Variants in THAP5 observed in about 807,000 individuals in gnomAD.
THAP5 encodes THAP domain containing 5.
A neutral mutation model predicts 34.0 loss-of-function variants in THAP5; 26 were observed. That is an observed-to-expected ratio of 0.77 (90% confidence interval 0.56 to 1.06). The LOEUF (loss-of-function observed/expected upper bound fraction) is 1.06. THAP5 is among the 50% of genes least tolerant of loss of function. The pLI, the probability that THAP5 is intolerant of heterozygous loss-of-function variation, is 0.00. For missense variants in THAP5, 394 were observed against 452.8 expected, an observed-to-expected ratio of 0.87 and a Z score of 1.18; for synonymous variants, 125 against 153.0, an observed-to-expected ratio of 0.82 and a Z score of 1.35.
the THAP5 span, among the ~76,000 whole-genome samples, chr7:108,549,089 T>TACACACACAC: frequency 5.7e-3 from 773 of 136,518 alleles, 6 homozygotes; most frequent in African/African-American, 0.017. Flanking sequence ...ACATGCTTAA[T>TACACACACAC]ACACACACAC....
chr7:108,544,438 A>G, the THAP5 span, among the ~76,000 whole-genome samples: 1 of 151,692 alleles, frequency 6.6e-6, no homozygotes, highest in South Asian at 2.1e-4. Flanking sequence ...GGCCAAGGCA[A>G]GAGAATTGCT....
downstream of THAP5, among the ~76,000 whole-genome samples, chr7:108,558,479 C>T (rs564430735): frequency 7.5e-4 from 110 of 147,246 alleles, no homozygotes; most frequent in Middle Eastern, 3.6e-3. Flanking sequence ...CTCAGTGCAA[C>T]CTCCGCCTCC....
the THAP5 span, among the ~76,000 whole-genome samples, chr7:108,549,105 C>CACACAT: frequency 7.1e-4 from 106 of 149,526 alleles, no homozygotes; most frequent in African/African-American, 2.5e-3. Context: ...CACACACACA[C>CACACAT]ACACACACAC....
At chr7:108,554,856 G>C (rs937797755) in exon 2 of THAP5, 4 of 152,072 alleles carry the variant, frequency 2.6e-5, no homozygotes, top group African/African-American at 9.7e-5. Context: ...CGTTTTAGCT[G>C]TATCTATCAA....
chr7:108,565,138 A>G, intron 2 of THAP5, 33 bp from the exon 3 acceptor site: 1 of 1,447,504 alleles, frequency 6.9e-7, no homozygotes, highest in Non-Finnish European at 9.1e-7. Context: ...TCTGAAAAAG[A>G]TGACTTTTAT....
chr7:108,569,429 A>G, intron 1 of THAP5, 61 bp downstream of exon 1: 1 of 1,550,120 alleles, frequency 6.5e-7, no homozygotes, highest in South Asian at 1.2e-5. Context: ...ACCCAAGCCC[A>G]AAGGCCACAG....
At chr7:108,548,792 C>A in the THAP5 span, among the ~76,000 whole-genome samples, 2 of 152,068 alleles carry the variant, frequency 1.3e-5, no homozygotes, top group Non-Finnish European at 2.9e-5. Context: ...CCCCATGATT[C>A]AATTACCTCC....
At position 108,562,601 on chromosome 7, in the gene THAP5, G is replaced by A. The variant is rs767583194; in HGVS notation, c.*1590C>T. The A allele has an allele frequency of 3.3e-5, 5 of 152,130 alleles. No homozygotes were observed. The highest frequency in any genetic ancestry group is 5.9e-5 in the Non-Finnish European group (4 of 68,022). 9.4% of individuals were successfully genotyped at this position (152,130 alleles called of 1,614,324 possible). A position where few individuals can be genotyped will look rare whatever the true frequency, so the allele number is the denominator to read the frequency against. The stretch of plus-strand genomic sequence containing the variant: ...GTTTGTTCCTTACAAAATTCTCAAA[G>A]CCACTCTTTAAGGTAAGTAATAGTA... On this transcript the variant is annotated 3_prime_UTR_variant, in exon 3 of 3. Coordinates refer to ENST00000415914, the MANE Select transcript of THAP5 (RefSeq NM_001130475.3).
At chr7:108,565,665 ATTT>A (rs983055773) in intron 2 of THAP5, 162 bp downstream of exon 2, 1 of 506,844 alleles carries the variant, frequency 2.0e-6, no homozygotes, top group Non-Finnish European at 3.3e-6. Context: ...CATGAGTTTA[ATTT>A]TTTTTAATTA....
the THAP5 span, among the ~76,000 whole-genome samples, chr7:108,545,957 T>A: frequency 6.6e-6 from 1 of 152,102 alleles, no homozygotes; most frequent in Non-Finnish European, 1.5e-5. Context: ...GCTCTTAAAA[T>A]GGATAGAGTT....
downstream of THAP5, among the ~76,000 whole-genome samples, chr7:108,558,377 G>GTGTGTGTATCTA (rs1401164750): frequency 1.6e-5 from 1 of 63,042 alleles, no homozygotes. Flanking sequence ...ATGTGTGTGT[G>GTGTGTGTATCTA]TATGTATATA....
In THAP5 at chr7:108,563,603, T is replaced by C. The variant is rs1411913918; in HGVS notation, c.*588A>G. On this transcript the variant is annotated 3_prime_UTR_variant, in exon 3 of 3. Coordinates refer to ENST00000415914, the MANE Select transcript of THAP5 (RefSeq NM_001130475.3). ...CTTTCTATTACAGATAATATAACTGTAATATGTAACTATAGCCAAAAGGTC... is the reference window on the plus strand; with the variant it reads ...CTTTCTATTACAGATAATATAACTGCAATATGTAACTATAGCCAAAAGGTC... 6.7e-6 allele frequency: 1 copy of C among 149,928 alleles called. No individual in the cohort carries two copies. The allele number at this position is 149,928 out of a possible 1,614,324, so 9.3% of individuals were successfully genotyped here. A position where few individuals can be genotyped will look rare whatever the true frequency, so the allele number is the denominator to read the frequency against.
At position 108,565,815 on chromosome 7, in the gene THAP5, C is replaced by T; in HGVS notation, c.273+15G>A. On this transcript the variant is annotated intron_variant, in intron 2 of 2. Transcript: ENST00000415914. Reference sequence around the variant, plus strand: ...CCACTCTGCTCAGCATTACCCCTCTCCCATACTGCAATACCTGATTGTCTT... The same window carrying T: ...CCACTCTGCTCAGCATTACCCCTCTTCCATACTGCAATACCTGATTGTCTT... 1 of 1,530,410 alleles carries T rather than the reference C, an allele frequency of 6.5e-7. No homozygotes were observed. The highest frequency in any genetic ancestry group is 2.5e-5 in the East Asian group (1 of 40,748). 94.8% of individuals were successfully genotyped at this position (1,530,410 alleles called of 1,614,324 possible). A position where few individuals can be genotyped will look rare whatever the true frequency, so the allele number is the denominator to read the frequency against.
At chr7:108,549,024 C>T in the THAP5 span, among the ~76,000 whole-genome samples, 1 of 151,570 alleles carries the variant, frequency 6.6e-6, no homozygotes, top group Admixed American at 6.6e-5. Context: ...CCAGAGTCAA[C>T]CGCTTCTAAT....
chr7:108,548,316 G>A, the THAP5 span, among the ~76,000 whole-genome samples: 39 of 152,170 alleles, frequency 2.6e-4, no homozygotes, highest in East Asian at 7.5e-3. Flanking sequence ...CTCTGACTTT[G>A]TACTAGGAAT....
the THAP5 span, among the ~76,000 whole-genome samples, chr7:108,543,829 C>T: frequency 2.0e-5 from 3 of 152,048 alleles, no homozygotes; most frequent in African/African-American, 7.2e-5. Context: ...TAAACATACA[C>T]ATAGGTAAAC....
chr7:108,549,082 T>C, the THAP5 span, among the ~76,000 whole-genome samples: 1 of 137,448 alleles, frequency 7.3e-6, no homozygotes, highest in African/African-American at 3.0e-5. Context: ...CAAAATAACA[T>C]GCTTAATACA....
chr7:108,557,680 C>A (rs1372143378), downstream of THAP5, among the ~76,000 whole-genome samples: 1 of 152,222 alleles, frequency 6.6e-6, no homozygotes, highest in Non-Finnish European at 1.5e-5. Flanking sequence ...TTCAACAAGT[C>A]TCTAGGAAGT....
downstream of THAP5, among the ~76,000 whole-genome samples, chr7:108,553,486 T>C (rs965288314): frequency 6.6e-6 from 1 of 152,226 alleles, no homozygotes; most frequent in Non-Finnish European, 1.5e-5. Context: ...GGAACCTTTA[T>C]TTGTACTTAC....
Sources: gnomAD v4.1 joint callset for allele counts (sites outside exome capture counted in the v4.1 genomes callset) on GRCh38, gnomAD v4.1.1 for gene constraint, MANE v1.5 for transcripts, NCBI Gene and HGNC (gene_info 2026-07-23, HGNC 2026-07-21) for gene names.